The following PDE11A variants were observed in gnomAD, a reference collection of about 807,000 sequenced individuals.
PDE11A encodes phosphodiesterase 11A, also known as dual 3',5'-cyclic-AMP and -GMP phosphodiesterase 11A.
A neutral mutation model predicts 100.5 loss-of-function variants in PDE11A; 100 were observed. The observed-to-expected ratio is 1.00, with a 90% CI of 0.85 to 1.18. The LOEUF is 1.18. Ranked by LOEUF, PDE11A falls within the 50% of genes most tolerant of loss-of-function variation. The pLI, the probability that PDE11A is intolerant of heterozygous loss-of-function variation, is 0.00. For missense variants in PDE11A, 1,141 were observed against 1,152.6 expected, an observed-to-expected ratio of 0.99 and a Z score of 0.15; for synonymous variants, 381 against 420.8, an observed-to-expected ratio of 0.91 and a Z score of 1.16.
intron 1 of PDE11A, among the ~76,000 whole-genome samples, chr2:178,059,477 C>T (rs1054829849): frequency 6.6e-6 from 1 of 152,234 alleles, no homozygotes; most frequent in Non-Finnish European, 1.5e-5. Context: ...GGGTGGCTGC[C>T]TGCAGGGGCT....
In PDE11A at chr2:177,848,750, G is replaced by A. The variant is rs950766170; in HGVS notation, c.1368-8367C>T. Among the ~76,000 whole-genome samples, 8 of 152,262 alleles carry A rather than the reference G, an allele frequency of 5.3e-5. 1 individual carries two copies. The South Asian group carries it at 6.2e-4, about 12-fold the overall frequency. Reference sequence around the variant, plus strand: ...CTCAGGGCTGACAAGTTGCAGAGTCGTGTAGGAGGTAAATCAATACGAGCA... The same window carrying A: ...CTCAGGGCTGACAAGTTGCAGAGTCATGTAGGAGGTAAATCAATACGAGCA... On this transcript the variant is annotated intron_variant, in intron 5 of 19. Transcript: ENST00000286063.
At chr2:177,750,569 C>A (rs2082011834) in intron 10 of PDE11A, among the ~76,000 whole-genome samples, 1 of 152,146 alleles carries the variant, frequency 6.6e-6, no homozygotes. Context: ...AAGGCCAAGT[C>A]CAAGGCAAGC....
chr2:177,847,574 G>T (rs1314758208), intron 5 of PDE11A, among the ~76,000 whole-genome samples: 1 of 152,126 alleles, frequency 6.6e-6, no homozygotes, highest in Non-Finnish European at 1.5e-5. Context: ...ATTGTAAGAC[G>T]ACAGACACCT....
At chr2:178,012,650 T>A (rs1370479300) in intron 2 of PDE11A, among the ~76,000 whole-genome samples, 1 of 152,198 alleles carries the variant, frequency 6.6e-6, no homozygotes, top group Non-Finnish European at 1.5e-5. Context: ...CTTTAAATTA[T>A]TCACAGCTCA....
At chr2:177,681,367 T>C (rs2080861009) in intron 15 of PDE11A, among the ~76,000 whole-genome samples, 1 of 152,216 alleles carries the variant, frequency 6.6e-6, no homozygotes, top group African/African-American at 2.4e-5. Flanking sequence ...TTTTCCAGGT[T>C]AGAAAATAAC....
chr2:177,873,057 T>C (rs976570263), intron 5 of PDE11A, among the ~76,000 whole-genome samples: 3 of 152,206 alleles, frequency 2.0e-5, no homozygotes, highest in South Asian at 2.1e-4. Flanking sequence ...TTCTGTCTTT[T>C]ATTATCAGAA....
intron 13 of PDE11A, chr2:177,702,366 TG>T (rs1182036695): frequency 1.9e-4 from 28 of 150,434 alleles, no homozygotes; most frequent in African/African-American, 6.1e-4. Flanking sequence ...GTTTAAGAAA[TG>T]GGAGTTAGAG....
At chr2:177,884,299 C>A (rs533977165) in intron 4 of PDE11A, among the ~76,000 whole-genome samples, 26 of 152,332 alleles carry the variant, frequency 1.7e-4, no homozygotes, top group Admixed American at 1.6e-3. Context: ...CATCCTTCCT[C>A]ATGACTCCTG....
At chr2:178,053,950 G>A (rs887561807) in intron 1 of PDE11A, among the ~76,000 whole-genome samples, 1 of 152,116 alleles carries the variant, frequency 6.6e-6, no homozygotes, top group Non-Finnish European at 1.5e-5. Context: ...GTAATGTATA[G>A]AGTCAATGCC....
intron 17 of PDE11A, among the ~76,000 whole-genome samples, chr2:177,673,491 C>T (rs1040357510): frequency 7.2e-5 from 11 of 152,172 alleles, no homozygotes; most frequent in African/African-American, 1.7e-4. Context: ...CTATGAATAT[C>T]GCTCATCTCT....
chr2:178,043,807 A>G (rs1435574), intron 1 of PDE11A, among the ~76,000 whole-genome samples: 128,725 of 152,146 alleles, frequency 0.85, 54,685 homozygotes, highest in East Asian at 1. Context: ...CTAAGAGAAG[A>G]TCAGTAACTT....
chr2:177,923,015 G>T (rs1035024729), intron 2 of PDE11A, among the ~76,000 whole-genome samples: 4 of 151,164 alleles, frequency 2.6e-5, no homozygotes, highest in Non-Finnish European at 5.9e-5. Context: ...TGGACTTTTC[G>T]ATTTGCTCTA....
At chr2:178,013,488 AT>A (rs905554751) in intron 2 of PDE11A, among the ~76,000 whole-genome samples, 10 of 152,172 alleles carry the variant, frequency 6.6e-5, no homozygotes, top group Admixed American at 4.6e-4. Flanking sequence ...ATTTGCATTA[AT>A]TTAATGCATT....
chr2:177,845,247 G>C (rs1408075527), intron 5 of PDE11A, among the ~76,000 whole-genome samples: 1 of 151,230 alleles, frequency 6.6e-6, no homozygotes, highest in Non-Finnish European at 1.5e-5. Context: ...GGTGGCTGCC[G>C]GGCGGAGGGG....
intron 5 of PDE11A, among the ~76,000 whole-genome samples, chr2:177,841,499 A>T (rs2083489799): frequency 6.6e-6 from 1 of 152,242 alleles, no homozygotes; most frequent in Non-Finnish European, 1.5e-5. Flanking sequence ...AGAAAACACT[A>T]AATGTGCACA....
chr2:177,759,634 A>G (rs763466932), intron 10 of PDE11A, among the ~76,000 whole-genome samples: 3 of 152,234 alleles, frequency 2.0e-5, no homozygotes, highest in Non-Finnish European at 4.4e-5. Flanking sequence ...TAGATAGCCA[A>G]TCAGACTGTA....
At chr2:178,075,379 C>T (rs1422690802), upstream of PDE11A, among the ~76,000 whole-genome samples, 1 of 151,802 alleles carries the variant, frequency 6.6e-6, no homozygotes, top group Non-Finnish European at 1.5e-5. Flanking sequence ...TGGCGAAACC[C>T]CATCTCTACT....
intron 3 of PDE11A, among the ~76,000 whole-genome samples, chr2:177,904,132 T>C (rs976548357): frequency 3.9e-5 from 6 of 152,212 alleles, no homozygotes; most frequent in Non-Finnish European, 5.9e-5. Flanking sequence ...GTTGTTACAG[T>C]AATCTTCCTA....
chr2:177,735,789 G>T (rs533043428), intron 10 of PDE11A, among the ~76,000 whole-genome samples: 1 of 152,190 alleles, frequency 6.6e-6, no homozygotes, highest in Non-Finnish European at 1.5e-5. Context: ...CAGTGCAGGC[G>T]CCTGGTTTGC....
Sources: gnomAD v4.1 joint callset for allele counts (sites outside exome capture counted in the v4.1 genomes callset) on GRCh38, gnomAD v4.1.1 for gene constraint, MANE v1.5 for transcripts, NCBI Gene and HGNC (gene_info 2026-07-23, HGNC 2026-07-21) for gene names.